Variants in ASTN2 observed in about 807,000 individuals in gnomAD.
ASTN2 encodes astrotactin 2, also known as astrotactin-2.
A neutral mutation model predicts 139.8 loss-of-function variants in ASTN2; 54 were observed. The ratio of observed to expected loss-of-function variants is 0.39; its 90% CI spans 0.31 to 0.48. ASTN2 has a LOEUF of 0.48. ASTN2 is among the 20% of genes least tolerant of loss of function. The probability of loss-of-function intolerance (pLI) is 0.95; values close to 1 mark genes in which losing one functional copy is unlikely to be tolerated. For missense variants in ASTN2, 1,565 were observed against 1,725.1 expected (o/e 0.91, Z 1.64); for synonymous variants, 756 against 719.5 (o/e 1.05, Z -0.81).
At chr9:117,020,848 G>A (rs1564388263) in intron 6 of ASTN2, among the ~76,000 whole-genome samples, 2 of 152,134 alleles carry the variant, frequency 1.3e-5, no homozygotes, top group Admixed American at 6.5e-5. Context: ...GACAAATGGT[G>A]CTTTAAGGCA....
intron 16 of ASTN2, among the ~76,000 whole-genome samples, chr9:116,684,742 G>A (rs955153769): frequency 6.6e-6 from 1 of 152,130 alleles, no homozygotes; most frequent in African/African-American, 2.4e-5. Context: ...CAGAGCAATC[G>A]ACAGCCTTTT....
chr9:117,375,964 C>G (rs10983639), intron 1 of ASTN2, among the ~76,000 whole-genome samples: 3,042 of 152,224 alleles, frequency 0.02, 58 homozygotes, highest in Non-Finnish European at 0.028. Context: ...TCTTCACATC[C>G]CCCTCGATGA....
chr9:116,934,744 T>A (rs1211579810), intron 10 of ASTN2, among the ~76,000 whole-genome samples: 2 of 152,232 alleles, frequency 1.3e-5, no homozygotes. Context: ...AAACCTGTAC[T>A]TGTACCCTTG....
Position 116,918,653 on chromosome 9 carries a change from C to T in ASTN2, c.1890-54920G>A, listed in dbSNP as rs1271899007. On this transcript the variant is annotated intron_variant, in intron 10 of 22. Coordinates refer to ENST00000313400, the MANE Select transcript of ASTN2 (RefSeq NM_001365068.1). ...GTGTTTCCCTCCTTTCCACTGTTTG[C>T]CTTGCTAGTGTCCCTCTGGCATCTC... Among the ~76,000 whole-genome samples the T allele has an allele frequency of 2.6e-5, 4 of 152,188 alleles. No homozygotes were observed. In the East Asian group the frequency reaches 7.7e-4, roughly 29 times the overall value.
At chr9:117,323,426 G>T (rs1299397143) in intron 1 of ASTN2, among the ~76,000 whole-genome samples, 1 of 151,906 alleles carries the variant, frequency 6.6e-6, no homozygotes, top group Admixed American at 6.6e-5. Flanking sequence ...TCTTTGCTCC[G>T]GCCTTAGATA....
At chr9:116,996,598 A>G (rs1395218579) in intron 7 of ASTN2, among the ~76,000 whole-genome samples, 1 of 152,082 alleles carries the variant, frequency 6.6e-6, no homozygotes, top group African/African-American at 2.4e-5. Flanking sequence ...AGTTTATAAG[A>G]AGTGGGGCTG....
chr9:117,398,565 C>A (rs1830740252), intron 1 of ASTN2, among the ~76,000 whole-genome samples: 1 of 152,150 alleles, frequency 6.6e-6, no homozygotes. Flanking sequence ...GTGCCGCCTG[C>A]AAGAAACTTC....
At chr9:116,701,427 A>C (rs1037674106) in intron 16 of ASTN2, 1 of 152,580 alleles carries the variant, frequency 6.6e-6, no homozygotes, top group Non-Finnish European at 1.5e-5. Context: ...TGACTCCACT[A>C]GTTATTAGAG....
At chr9:116,731,213 A>G (rs1234906091) in intron 14 of ASTN2, among the ~76,000 whole-genome samples, 1 of 123,958 alleles carries the variant, frequency 8.1e-6, no homozygotes, top group Non-Finnish European at 1.6e-5. Context: ...TAATAATAAT[A>G]ATAATAATAA....
intron 5 of ASTN2, among the ~76,000 whole-genome samples, chr9:117,066,988 T>C (rs1185989952): frequency 9.5e-6 from 1 of 105,688 alleles, no homozygotes; most frequent in Admixed American, 1.1e-4. Flanking sequence ...TTTCTTTTGC[T>C]GTGCAGAAGC....
At chr9:117,057,688 C>T (rs1250385271) in intron 5 of ASTN2, among the ~76,000 whole-genome samples, 1 of 152,186 alleles carries the variant, frequency 6.6e-6, no homozygotes, top group Non-Finnish European at 1.5e-5. Flanking sequence ...TTTTCTTCTT[C>T]CATTTCGATC....
chr9:117,054,621 A>G (rs759192275), intron 5 of ASTN2, among the ~76,000 whole-genome samples: 95 of 152,314 alleles, frequency 6.2e-4, no homozygotes, highest in Non-Finnish European at 1.2e-3. Context: ...GATGGGAAAA[A>G]TGGGGAATGT....
chr9:116,712,439 C>T (rs1181021112), intron 16 of ASTN2, among the ~76,000 whole-genome samples: 2 of 152,142 alleles, frequency 1.3e-5, no homozygotes, highest in Non-Finnish European at 2.9e-5. Context: ...ACTGCTGCAT[C>T]CATAGCATCT....
At chr9:117,094,078 T>A (rs1348886464) in intron 5 of ASTN2, among the ~76,000 whole-genome samples, 1 of 140,594 alleles carries the variant, frequency 7.1e-6, no homozygotes, top group Non-Finnish European at 1.5e-5. Flanking sequence ...GAACAAATAT[T>A]TGTGGTATGT....
chr9:117,107,806 A>G (rs970444043), intron 4 of ASTN2, among the ~76,000 whole-genome samples: 12 of 152,218 alleles, frequency 7.9e-5, no homozygotes, highest in Non-Finnish European at 1.8e-4. Context: ...GTATTTGTAG[A>G]ATTGATGCTT....
intron 10 of ASTN2, among the ~76,000 whole-genome samples, chr9:116,965,492 T>C (rs1467321551): frequency 1.3e-5 from 2 of 152,142 alleles, no homozygotes; most frequent in African/African-American, 2.4e-5. Context: ...TGGGGAGTCA[T>C]GATTATCACA....
intron 19 of ASTN2, among the ~76,000 whole-genome samples, chr9:116,565,375 CTCTCTCTCTCTCCATATATATATATA>C (rs1329500781): frequency 2.9e-4 from 9 of 30,612 alleles, no homozygotes; most frequent in East Asian, 1.0e-3. Flanking sequence ...CTCTCTCTCT[CTCTCTCTCTCTCCATATATATATATA>C]TATATATATA....
At chr9:116,773,979 G>A (rs1378763213) in intron 13 of ASTN2, among the ~76,000 whole-genome samples, 1 of 152,196 alleles carries the variant, frequency 6.6e-6, no homozygotes, top group African/African-American at 2.4e-5. Context: ...GTCTGGCTCT[G>A]TCCATCAGGA....
chr9:116,650,552 C>T (rs903711162), intron 17 of ASTN2, among the ~76,000 whole-genome samples: 1 of 151,746 alleles, frequency 6.6e-6, no homozygotes, highest in African/African-American at 2.4e-5. Flanking sequence ...AAAAAATGGC[C>T]AAATGTCAGC....
Sources: gnomAD v4.1 joint callset for allele counts (sites outside exome capture counted in the v4.1 genomes callset) on GRCh38, gnomAD v4.1.1 for gene constraint, MANE v1.5 for transcripts, NCBI Gene and HGNC (gene_info 2026-07-23, HGNC 2026-07-21) for gene names.